The following RINT1 variants were observed in gnomAD, a reference collection of about 807,000 sequenced individuals.
RINT1 encodes the protein RAD50-interacting protein 1.
RINT1 carries 75 observed loss-of-function variants against 97.7 expected under a neutral mutation model. That is an observed-to-expected ratio of 0.77 (90% CI 0.64 to 0.93). The LOEUF (loss-of-function observed/expected upper bound fraction) is 0.93. RINT1 is among the 40% of genes least tolerant of loss of function. The pLI is 0.00. For missense variants in RINT1, 892 were observed against 925.2 expected, an observed-to-expected ratio of 0.96 and a Z score of 0.47; for synonymous variants, 303 against 326.3, an observed-to-expected ratio of 0.93 and a Z score of 0.77.
chr7:105,545,530 A>ATT (rs527695679), intron 4 of RINT1, among the ~76,000 whole-genome samples: 11 of 140,138 alleles, frequency 7.8e-5, no homozygotes, highest in East Asian at 6.1e-4. Context: ...ATATATATAT[A>ATT]TTTTTTTTTT....
In RINT1 at chr7:105,563,430, G is replaced by A. The variant is rs372986490; in HGVS notation, c.1672-303G>A. Among the ~76,000 whole-genome samples, 33 of 152,194 alleles carry A rather than the reference G, an allele frequency of 2.2e-4. No homozygotes were observed. The East Asian group carries it at 3.5e-3, about 16-fold the overall frequency. Reference sequence around the variant, plus strand: ...GGCTGGAGTGCAGAGGCATGATCTCGGCTCACTGCAACTTCCACCTTCCAG... The same window carrying A: ...GGCTGGAGTGCAGAGGCATGATCTCAGCTCACTGCAACTTCCACCTTCCAG... On this transcript the variant is annotated intron_variant, in intron 11 of 14. Transcript: ENST00000257700.
At chr7:105,532,992 TTA>T in intron 2 of RINT1, 123 bp downstream of exon 2, 1 of 845,508 alleles carries the variant, frequency 1.2e-6, no homozygotes, top group South Asian at 1.4e-5. Context: ...CACAATATGC[TTA>T]TATGGTAATA....
At chr7:105,563,978 AC>A in intron 12 of RINT1, 31 bp downstream of exon 12, 1 of 1,499,046 alleles carries the variant, frequency 6.7e-7, no homozygotes, top group Non-Finnish European at 9.3e-7. Context: ...AGCTCTTAAC[AC>A]CAGTTTGGTA....
chr7:105,545,665 A>G (rs2133382713), intron 4 of RINT1, among the ~76,000 whole-genome samples: 1 of 151,838 alleles, frequency 6.6e-6, no homozygotes, highest in Admixed American at 6.6e-5. Context: ...AGCTGGGATT[A>G]CAGGTGCCCA....
intron 11 of RINT1, among the ~76,000 whole-genome samples, chr7:105,557,348 T>G (rs1203466000): frequency 1.3e-5 from 2 of 152,124 alleles, no homozygotes; most frequent in African/African-American, 4.8e-5. Flanking sequence ...AACTGAAGAT[T>G]AGTGATACAT....
At chr7:105,549,324 A>T (rs532262190) in intron 7 of RINT1, among the ~76,000 whole-genome samples, 1 of 151,792 alleles carries the variant, frequency 6.6e-6, no homozygotes, top group African/African-American at 2.4e-5. Context: ...TGTATAAGAC[A>T]TGCGTAGTTT....
At chr7:105,557,857 C>G in intron 11 of RINT1, among the ~76,000 whole-genome samples, 1 of 152,066 alleles carries the variant, frequency 6.6e-6, no homozygotes, top group East Asian at 1.9e-4. Flanking sequence ...ATAGTTTATG[C>G]TTATCTGTAC....
At chr7:105,561,595 CTT>C (rs1409659918) in intron 11 of RINT1, among the ~76,000 whole-genome samples, 1 of 152,100 alleles carries the variant, frequency 6.6e-6, no homozygotes, top group Non-Finnish European at 1.5e-5. Flanking sequence ...GGGTTTCACT[CTT>C]GTCGCCCAGG....
chr7:105,555,399 G>A (rs1791137823), intron 11 of RINT1, 172 bp downstream of exon 11: 2 of 513,798 alleles, frequency 3.9e-6, no homozygotes, highest in Non-Finnish European at 6.7e-6. Flanking sequence ...CAAATCTCAA[G>A]TAGTTAAATA....
At chr7:105,539,300 C>G (rs1286399279) in intron 3 of RINT1, among the ~76,000 whole-genome samples, 1 of 151,950 alleles carries the variant, frequency 6.6e-6, no homozygotes, top group Non-Finnish European at 1.5e-5. Flanking sequence ...ATCCCATCAC[C>G]AAGTCATCTG....
chr7:105,555,334 C>T (rs1320220151), intron 11 of RINT1, 107 bp downstream of exon 11: 13 of 870,988 alleles, frequency 1.5e-5, no homozygotes, highest in Non-Finnish European at 2.2e-5. Context: ...ACATGCTAGA[C>T]AGAACCATAG....
At chr7:105,532,971 AC>A (rs758770100) in intron 2 of RINT1, 102 bp downstream of exon 2, 31 of 1,022,692 alleles carry the variant, frequency 3.0e-5, no homozygotes, top group Middle Eastern at 4.0e-4. Flanking sequence ...TAGATGCAGT[AC>A]CGTTTTCTGC....
intron 3 of RINT1, among the ~76,000 whole-genome samples, chr7:105,537,222 C>G (rs1267651199): frequency 3.2e-5 from 4 of 125,770 alleles, no homozygotes; most frequent in Non-Finnish European, 5.5e-5. Context: ...CCTCTGCCTC[C>G]CAGGTTCAAG....
At chr7:105,532,490 G>A (rs1010163900) in intron 1 of RINT1, 133 bp downstream of exon 1, 1 of 1,059,026 alleles carries the variant, frequency 9.4e-7, no homozygotes, top group African/African-American at 1.6e-5. Flanking sequence ...TTAGATTAGA[G>A]GCCCTTGTAA....
chr7:105,546,433 G>C (rs1015783014), intron 4 of RINT1, among the ~76,000 whole-genome samples: 1 of 152,108 alleles, frequency 6.6e-6, no homozygotes, highest in Non-Finnish European at 1.5e-5. Flanking sequence ...GAGAGGCCTT[G>C]GTAAAAGGCC....
chr7:105,544,157 A>G (rs1790569107), intron 4 of RINT1, among the ~76,000 whole-genome samples: 1 of 152,026 alleles, frequency 6.6e-6, no homozygotes. Flanking sequence ...GGAGTTTTAC[A>G]TATAAAGTGG....
At chr7:105,535,230 T>G (rs765653335) in intron 2 of RINT1, among the ~76,000 whole-genome samples, 1 of 90,220 alleles carries the variant, frequency 1.1e-5, no homozygotes, top group Non-Finnish European at 2.4e-5. Flanking sequence ...CTTAAAAACC[T>G]TTTTTTTTTT....
rs1246057136 is a variant in RINT1, at chr7:105,539,424, A to C, written c.273+2675A>C. Among the ~76,000 whole-genome samples, 3 of 147,442 alleles carry C rather than the reference A, an allele frequency of 2.0e-5. No homozygotes were observed. In the East Asian group the frequency reaches 6.0e-4, roughly 29 times the overall value. On this transcript the variant is annotated intron_variant, in intron 3 of 14. Coordinates refer to ENST00000257700, the MANE Select transcript of RINT1 (RefSeq NM_021930.6). ...TGCCCAGGCTGGAGTGCAATGGCAC[A>C]ATCTTGGCTCACTGCAACCTCCACC...
chr7:105,542,346 T>C (rs1790491098), intron 3 of RINT1, 62 bp from the exon 4 acceptor site: 1 of 1,366,828 alleles, frequency 7.3e-7, no homozygotes, highest in Non-Finnish European at 1.0e-6. Context: ...AAAAAAAAAT[T>C]ATGAAAATTT....
Sources: gnomAD v4.1 joint callset for allele counts (sites outside exome capture counted in the v4.1 genomes callset) on GRCh38, gnomAD v4.1.1 for gene constraint, MANE v1.5 for transcripts, NCBI Gene and HGNC (gene_info 2026-07-23, HGNC 2026-07-21) for gene names.